The following RGS6 variants were observed in gnomAD, a reference collection of about 807,000 sequenced individuals.
The protein encoded by RGS6 is regulator of G protein signaling 6.
A neutral mutation model predicts 78.5 loss-of-function variants in RGS6; 30 were observed. The observed-to-expected ratio is 0.38, with a 90% CI of 0.29 to 0.52. The LOEUF (loss-of-function observed/expected upper bound fraction) is 0.52, where lower values mean the gene tolerates loss of function less well. Among genes scored for constraint, RGS6 ranks in the 20% least tolerant of loss-of-function variants. The probability of loss-of-function intolerance (pLI) is 0.85; values close to 1 mark genes in which losing one functional copy is unlikely to be tolerated. For missense variants in RGS6, 495 were observed against 609.7 expected (o/e 0.81, Z 1.98); for synonymous variants, 206 against 206.0 (o/e 1.00, Z 0.00).
chr14:72,224,899 A>C (rs2238233), intron 2 of RGS6, among the ~76,000 whole-genome samples: 1 of 152,078 alleles, frequency 6.6e-6, no homozygotes, highest in Non-Finnish European at 1.5e-5. Flanking sequence ...TTTGTGTGGG[A>C]AAAATGGATG....
At chr14:72,425,686 C>T (rs4903015) in intron 3 of RGS6, among the ~76,000 whole-genome samples, 108,222 of 152,018 alleles carry the variant, frequency 0.71, 38,946 homozygotes, top group East Asian at 0.98. Context: ...AGCACATGTA[C>T]GTACTTTCAA....
the RGS6 span, among the ~76,000 whole-genome samples, chr14:71,907,782 G>A: frequency 2.6e-5 from 4 of 152,116 alleles, no homozygotes; most frequent in African/African-American, 7.2e-5. Context: ...GCAGTGATGG[G>A]AGGAGATTTA....
At chr14:72,397,746 G>GT (rs567571067) in intron 3 of RGS6, among the ~76,000 whole-genome samples, 47 of 152,226 alleles carry the variant, frequency 3.1e-4, no homozygotes, top group African/African-American at 1.0e-3. Context: ...TTTATTGAGA[G>GT]TTTTTTAGCA....
intron 17 of RGS6, among the ~76,000 whole-genome samples, chr14:72,544,923 G>GGGCA (rs1229435095): frequency 6.6e-6 from 1 of 152,228 alleles, no homozygotes; most frequent in Non-Finnish European, 1.5e-5. Context: ...GCAGGGGAGG[G>GGGCA]GGCAGGCAGG....
intron 2 of RGS6, among the ~76,000 whole-genome samples, chr14:72,314,328 G>C (rs1038515500): frequency 2.6e-5 from 4 of 152,148 alleles, no homozygotes; most frequent in Non-Finnish European, 5.9e-5. Context: ...TGGCTGCTGT[G>C]GGTCCAGGCA....
chr14:72,522,872 A>T lies in RGS6; in HGVS notation c.1278+4335A>T, dbSNP rs145253160. On this transcript the variant is annotated intron_variant, in intron 15 of 17. Coordinates refer to ENST00000553525, the MANE Select transcript of RGS6 (RefSeq NM_001204424.2). The stretch of plus-strand genomic sequence containing the variant: ...TTCAAGAAATCCAGAAAGCTACAGG[A>T]TAGAGGATTGGGCATAAAGGATCTT... Among the ~76,000 whole-genome samples the T allele has an allele frequency of 3.8e-3, 573 of 152,368 alleles. 5 individuals carry two copies. Among genetic ancestry groups the T allele is most frequent in the African/African-American group, 0.013 (540 of 41,592 alleles).
At chr14:72,225,008 T>C (rs1210106393) in intron 2 of RGS6, among the ~76,000 whole-genome samples, 1 of 152,216 alleles carries the variant, frequency 6.6e-6, no homozygotes. Flanking sequence ...TACAAGAATA[T>C]TAGAGATTTA....
chr14:71,875,678 T>G, the RGS6 span, among the ~76,000 whole-genome samples: 1 of 152,212 alleles, frequency 6.6e-6, no homozygotes, highest in Non-Finnish European at 1.5e-5. Context: ...ATTTCTTGCC[T>G]TCTGCTAGCT....
intron 3 of RGS6, among the ~76,000 whole-genome samples, chr14:72,452,224 TTCTCTCTCTCTC>T (rs56308165): frequency 7.4e-5 from 11 of 147,948 alleles, no homozygotes; most frequent in African/African-American, 2.2e-4. Flanking sequence ...CACATATTCA[TTCTCTCTCTCTC>T]TCTCTCTCTC....
chr14:72,475,830 GCACA>G (rs1555424335), intron 10 of RGS6, among the ~76,000 whole-genome samples: 8 of 145,604 alleles, frequency 5.5e-5, no homozygotes, highest in South Asian at 2.2e-4. Flanking sequence ...AAAAATACAC[GCACA>G]CACACACACA....
At chr14:72,352,957 T>A (rs2079418310) in intron 3 of RGS6, among the ~76,000 whole-genome samples, 1 of 152,218 alleles carries the variant, frequency 6.6e-6, no homozygotes, top group African/African-American at 2.4e-5. Flanking sequence ...TTAATCTGCC[T>A]ATATGCTTTT....
intron 2 of RGS6, among the ~76,000 whole-genome samples, chr14:72,223,636 A>C (rs183393099): frequency 6.6e-6 from 1 of 152,366 alleles, no homozygotes; most frequent in African/African-American, 2.4e-5. Context: ...TAGTCTAGTA[A>C]TAGACAAGGG....
At chr14:71,959,774 C>G (rs1484968911) in intron 1 of RGS6, among the ~76,000 whole-genome samples, 1 of 152,140 alleles carries the variant, frequency 6.6e-6, no homozygotes, top group African/African-American at 2.4e-5. Context: ...TGGCTTAGAA[C>G]AAGGTCACTG....
chr14:71,879,835 G>A, the RGS6 span, among the ~76,000 whole-genome samples: 1 of 152,206 alleles, frequency 6.6e-6, no homozygotes, highest in Admixed American at 6.5e-5. Context: ...AGAGTGGGGT[G>A]CTGCTGTAAA....
chr14:72,571,205 A>T (rs2097719828), downstream of RGS6, among the ~76,000 whole-genome samples: 1 of 152,216 alleles, frequency 6.6e-6, no homozygotes, highest in Admixed American at 6.5e-5. Flanking sequence ...GAGGCCCAGA[A>T]ACATCCAGTG....
At chr14:72,495,463 C>T (rs1319782763) in intron 13 of RGS6, among the ~76,000 whole-genome samples, 4 of 152,138 alleles carry the variant, frequency 2.6e-5, no homozygotes, top group Non-Finnish European at 5.9e-5. Context: ...TTGTGGCTCC[C>T]CTCTGACCCT....
chr14:72,239,537 G>T (rs912105338), intron 2 of RGS6, among the ~76,000 whole-genome samples: 2 of 152,160 alleles, frequency 1.3e-5, no homozygotes, highest in Non-Finnish European at 2.9e-5. Flanking sequence ...GTGGGTGGGG[G>T]AGAAGAGCCT....
At chr14:72,281,184 T>C (rs535595673) in intron 2 of RGS6, among the ~76,000 whole-genome samples, 29 of 147,822 alleles carry the variant, frequency 2.0e-4, no homozygotes, top group African/African-American at 6.8e-4. Context: ...AGTCTCGCTC[T>C]GTCATCCAGG....
intron 2 of RGS6, among the ~76,000 whole-genome samples, chr14:71,999,370 C>T (rs950242856): frequency 2.0e-5 from 3 of 152,148 alleles, no homozygotes; most frequent in Admixed American, 6.5e-5. Flanking sequence ...GGTAAATGCT[C>T]CCGGGATGGT....
Sources: allele counts gnomAD v4.1 joint callset (sites outside exome capture counted in the v4.1 genomes callset), GRCh38; gene constraint gnomAD v4.1.1; transcripts MANE v1.5; gene names NCBI Gene and HGNC (gene_info 2026-07-23, HGNC 2026-07-21).